YIPF4: variants seen among roughly 807,000 people sequenced by gnomAD.
The protein encoded by YIPF4 is Yip1 domain family member 4.
A neutral mutation model predicts 29.4 loss-of-function variants in YIPF4; 18 were observed. The ratio of observed to expected loss-of-function variants is 0.61; its 90% CI spans 0.42 to 0.91. The LOEUF (loss-of-function observed/expected upper bound fraction) is 0.91, where lower values mean the gene tolerates loss of function less well. Ranked by LOEUF, YIPF4 falls within the 40% of genes least tolerant of loss-of-function variation. The pLI, the probability that YIPF4 is intolerant of heterozygous loss-of-function variation, is 0.00. For synonymous variants in YIPF4, 115 were observed against 104.7 expected, an observed-to-expected ratio of 1.10 and a Z score of -0.60; for missense variants, 279 against 282.7, an observed-to-expected ratio of 0.99 and a Z score of 0.09.
At chr2:32,282,787 C>T (rs1057251667) in intron 1 of YIPF4, among the ~76,000 whole-genome samples, 4 of 151,792 alleles carry the variant, frequency 2.6e-5, no homozygotes, top group Non-Finnish European at 5.9e-5. Context: ...ATAAGAATAC[C>T]CAAGTGCAGG....
At position 32,284,435 on chromosome 2, in the gene YIPF4, T is replaced by TG. The variant is rs576917261; in HGVS notation, c.80-6043dup. On this transcript the variant is annotated intron_variant, in intron 1 of 5. Transcript: ENST00000238831. ...GGCCTGGTGGGAGGTGACTGGATCA[T>TG]GGGGGTGGACTTCCCTCTTGCTGTT... 2.0e-5 allele frequency among the ~76,000 whole-genome samples: 3 copies of TG among 152,256 alleles called. No individual in the cohort carries two copies. In the East Asian group the frequency reaches 5.8e-4, roughly 29 times the overall value.
At chr2:32,284,470 G>A (rs917228325) in intron 1 of YIPF4, among the ~76,000 whole-genome samples, 1 of 152,152 alleles carries the variant, frequency 6.6e-6, no homozygotes, top group African/African-American at 2.4e-5. Context: ...TCTTGTCATA[G>A]TGAGTTCTCA....
chr2:32,292,880 A>G (rs984422708), intron 3 of YIPF4, among the ~76,000 whole-genome samples: 9 of 150,738 alleles, frequency 6.0e-5, no homozygotes, highest in South Asian at 4.1e-4. Context: ...AAAAAAAAAA[A>G]AAAGAAAATA....
At chr2:32,302,235 T>C (rs927932944) in intron 5 of YIPF4, among the ~76,000 whole-genome samples, 9 of 151,580 alleles carry the variant, frequency 5.9e-5, no homozygotes, top group African/African-American at 1.9e-4. Context: ...TTCACCGTAT[T>C]GTCCAGGCTG....
chr2:32,290,803 AT>A, intron 2 of YIPF4, 167 bp downstream of exon 2: 1 of 378,686 alleles, frequency 2.6e-6, no homozygotes, highest in Non-Finnish European at 4.3e-6. Context: ...ATGAGAGAAT[AT>A]TTTTTAACCA....
At chr2:32,288,556 C>G (rs191760406) in intron 1 of YIPF4, among the ~76,000 whole-genome samples, 226 of 152,214 alleles carry the variant, frequency 1.5e-3, no homozygotes, top group Middle Eastern at 0.01. Flanking sequence ...CACCTGTAAT[C>G]CCAGCACTTG....
intron 1 of YIPF4, 60 bp downstream of exon 1, chr2:32,278,294 G>A: frequency 6.8e-7 from 1 of 1,475,698 alleles, no homozygotes; most frequent in Non-Finnish European, 9.1e-7. Context: ...GACGCCGTAG[G>A]GTCTTTCTGG....
intron 1 of YIPF4, among the ~76,000 whole-genome samples, chr2:32,281,914 A>AAT (rs58034160): frequency 6.9e-6 from 1 of 145,440 alleles, no homozygotes; most frequent in African/African-American, 2.6e-5. Context: ...AAAAAAAAAA[A>AAT]AGGCAACCAT....
intron 1 of YIPF4, among the ~76,000 whole-genome samples, chr2:32,284,338 G>A (rs1158624681): frequency 4.6e-5 from 7 of 152,146 alleles, no homozygotes; most frequent in South Asian, 2.1e-4. Flanking sequence ...TTGCTTAAGC[G>A]AGTGTAATGG....
intron 3 of YIPF4, among the ~76,000 whole-genome samples, chr2:32,296,179 G>A (rs1440370893): frequency 1.3e-5 from 2 of 152,086 alleles, no homozygotes; most frequent in Non-Finnish European, 2.9e-5. Context: ...TGAACAAAGG[G>A]TTCTAAGGTT....
Position 32,306,059 on chromosome 2 carries a change from A to G in YIPF4, c.*433A>G, listed in dbSNP as rs2031571780. 4.8e-6 allele frequency: 4 copies of G among 827,978 alleles called. No homozygotes were observed. The South Asian group carries it at 1.7e-4, about 34-fold the overall frequency. The allele number at this position is 827,978 out of a possible 1,614,324, so 51.3% of individuals were successfully genotyped here. On this transcript the variant is annotated 3_prime_UTR_variant, in exon 6 of 6. Coordinates refer to ENST00000238831, the MANE Select transcript of YIPF4 (RefSeq NM_032312.4). ...CCTGCAGATATATATTTATATTTAT[A>G]CATATATATTTATGAAATAATTCTT...
rs1273375560 is a variant in YIPF4 at position 32,311,695 on chromosome 2, A to G, written c.*6069A>G. The G allele has an allele frequency of 3.3e-5, 5 of 152,250 alleles. No individual in the cohort carries two copies. The highest frequency in any genetic ancestry group is 3.3e-4 in the Admixed American group (5 of 15,284). The allele number at this position is 152,250 out of a possible 1,614,324, so 9.4% of individuals were successfully genotyped here. ...TCCCACCTGTAATAATTTTGTTAAC[A>G]CTAGACTATCAGTAAATTATCAAGA... On this transcript the variant is annotated 3_prime_UTR_variant, in exon 6 of 6. Coordinates refer to ENST00000238831, the MANE Select transcript of YIPF4 (RefSeq NM_032312.4).
chr2:32,301,775 G>A (rs2031413408), intron 5 of YIPF4, among the ~76,000 whole-genome samples: 1 of 152,172 alleles, frequency 6.6e-6, no homozygotes, highest in South Asian at 2.1e-4. Flanking sequence ...GTCTCGATCT[G>A]TCACCAAGGC....
At position 32,306,686 on chromosome 2, in the gene YIPF4, T is replaced by G; in HGVS notation, c.*1060T>G. ...GGAAATATTAAGAAATTTTTATCAG[T>G]GAAATATTTGTTGCAAATAATTTCA... On this transcript the variant is annotated 3_prime_UTR_variant, in exon 6 of 6. Transcript: ENST00000238831. 1 of 791,878 alleles carries G rather than the reference T, an allele frequency of 1.3e-6. No individual in the cohort carries two copies. Among genetic ancestry groups the G allele is most frequent in the Non-Finnish European group, 1.5e-6 (1 of 653,400 alleles). The allele number at this position is 791,878 out of a possible 1,614,324, so 49.1% of individuals were successfully genotyped here. A position where few individuals can be genotyped will look rare whatever the true frequency, so the allele number is the denominator to read the frequency against.
intron 1 of YIPF4, among the ~76,000 whole-genome samples, chr2:32,282,609 T>C (rs2030474867): frequency 1.3e-5 from 2 of 151,950 alleles, no homozygotes; most frequent in African/African-American, 4.8e-5. Flanking sequence ...ATGTTTTGTA[T>C]CGTTAGTAGA....
intron 3 of YIPF4, among the ~76,000 whole-genome samples, chr2:32,295,477 A>G (rs967815121): frequency 6.6e-6 from 1 of 152,220 alleles, no homozygotes; most frequent in Non-Finnish European, 1.5e-5. Context: ...GCTCCAGGGC[A>G]GAATCTGTTG....
At position 32,314,077 on chromosome 2, in the gene YIPF4, A is replaced by G. The variant is rs1037187275; in HGVS notation, c.*8451A>G. The G allele has an allele frequency of 6.6e-6, 1 of 152,254 alleles. No individual in the cohort carries two copies. Among genetic ancestry groups the G allele is most frequent in the Admixed American group, 6.5e-5 (1 of 15,278 alleles). The allele number at this position is 152,254 out of a possible 1,614,324, so 9.4% of individuals were successfully genotyped here. A position where few individuals can be genotyped will look rare whatever the true frequency, so the allele number is the denominator to read the frequency against. On this transcript the variant is annotated 3_prime_UTR_variant, in exon 6 of 6. Coordinates refer to ENST00000238831, the MANE Select transcript of YIPF4 (RefSeq NM_032312.4). ...CAACCGAAATGCATGTACATGTACC[A>G]TAAGAGACATATGTACAAGAATGTG...
At chr2:32,278,599 A>G (rs1327070574) in intron 1 of YIPF4, among the ~76,000 whole-genome samples, 1 of 152,128 alleles carries the variant, frequency 6.6e-6, no homozygotes, top group African/African-American at 2.4e-5. Context: ...GGAGATCTCA[A>G]AGAATGAGAA....
chr2:32,285,306 A>G (rs1203964560), intron 1 of YIPF4, among the ~76,000 whole-genome samples: 2 of 152,188 alleles, frequency 1.3e-5, no homozygotes, highest in East Asian at 1.9e-4. Context: ...CCTGAGATAT[A>G]TCAGTTTTGG....
Sources: allele counts gnomAD v4.1 joint callset (sites outside exome capture counted in the v4.1 genomes callset), GRCh38; gene constraint gnomAD v4.1.1; transcripts MANE v1.5; gene names NCBI Gene and HGNC (gene_info 2026-07-23, HGNC 2026-07-21).